The following EXOC6B variants were observed in gnomAD, a reference collection of about 807,000 sequenced individuals.
EXOC6B encodes exocyst complex component 6B.
A neutral mutation model predicts 113.5 loss-of-function variants in EXOC6B; 54 were observed. The observed-to-expected ratio is 0.48, with a 90% CI of 0.38 to 0.60. The LOEUF is 0.60. Among genes scored for constraint, EXOC6B ranks in the 20% least tolerant of loss-of-function variants. The pLI, the probability that EXOC6B is intolerant of heterozygous loss-of-function variation, is 0.00. For synonymous variants in EXOC6B, 357 were observed against 339.0 expected (o/e 1.05, Z -0.58); for missense variants, 797 against 977.5 (o/e 0.82, Z 2.46).
chr2:72,243,389 T>A (rs1682447568), intron 20 of EXOC6B, among the ~76,000 whole-genome samples: 2 of 152,176 alleles, frequency 1.3e-5, no homozygotes, highest in South Asian at 4.1e-4. Context: ...GTGGCACATA[T>A]ACACCATGGA....
At chr2:72,307,167 T>TTTTTTTTTTTTTTTTTTTG (rs1283668941) in intron 20 of EXOC6B, among the ~76,000 whole-genome samples, 17 of 103,348 alleles carry the variant, frequency 1.6e-4, no homozygotes, top group Non-Finnish European at 2.5e-4. Context: ...TCCAGTTTTT[T>TTTTTTTTTTTTTTTTTTTG]TTTTTTTGAG....
At chr2:72,222,908 T>C (rs367845194) in intron 20 of EXOC6B, among the ~76,000 whole-genome samples, 1 of 152,216 alleles carries the variant, frequency 6.6e-6, no homozygotes, top group East Asian at 1.9e-4. Flanking sequence ...GCTAAGGCAC[T>C]GAGGAGGTAC....
intron 8 of EXOC6B, among the ~76,000 whole-genome samples, chr2:72,526,819 T>G (rs1232875516): frequency 6.6e-6 from 1 of 151,988 alleles, no homozygotes; most frequent in Non-Finnish European, 1.5e-5. Context: ...TAAAATTTGC[T>G]TCATCAGCAA....
intron 20 of EXOC6B, among the ~76,000 whole-genome samples, chr2:72,281,397 G>C (rs1385107819): frequency 6.6e-6 from 1 of 152,156 alleles, no homozygotes; most frequent in Non-Finnish European, 1.5e-5. Flanking sequence ...CTACAGGTGA[G>C]TGAAATCAGA....
intron 6 of EXOC6B, among the ~76,000 whole-genome samples, chr2:72,604,870 T>C (rs1047150892): frequency 9.2e-5 from 14 of 152,158 alleles, no homozygotes; most frequent in African/African-American, 3.4e-4. Flanking sequence ...TTAAACAACA[T>C]TTAAAGTAGT....
intron 8 of EXOC6B, among the ~76,000 whole-genome samples, chr2:72,534,191 G>A (rs190949832): frequency 1.3e-5 from 2 of 152,062 alleles, no homozygotes; most frequent in East Asian, 3.9e-4. Context: ...TAACTATGTA[G>A]GGTCAAACCA....
intron 18 of EXOC6B, among the ~76,000 whole-genome samples, chr2:72,404,416 G>C (rs1439018171): frequency 6.6e-6 from 1 of 152,176 alleles, no homozygotes; most frequent in Non-Finnish European, 1.5e-5. Context: ...GCCTCTTCAG[G>C]TGGGTCCCTG....
chr2:72,595,500 G>GA (rs1458925876), intron 6 of EXOC6B, among the ~76,000 whole-genome samples: 6 of 151,444 alleles, frequency 4.0e-5, no homozygotes, highest in Non-Finnish European at 5.9e-5. Context: ...GAATACTACA[G>GA]AAAAAGTTAT....
intron 6 of EXOC6B, among the ~76,000 whole-genome samples, chr2:72,675,053 G>A (rs1165525997): frequency 2.0e-5 from 3 of 152,134 alleles, no homozygotes; most frequent in African/African-American, 7.2e-5. Flanking sequence ...GGGTTGACGT[G>A]TTCTTTACAT....
intron 6 of EXOC6B, among the ~76,000 whole-genome samples, chr2:72,588,663 GA>G (rs1007123333): frequency 4.6e-5 from 7 of 151,420 alleles, no homozygotes; most frequent in South Asian, 2.1e-4. Context: ...GACCACACTG[GA>G]AAAAAAATCA....
intron 7 of EXOC6B, among the ~76,000 whole-genome samples, chr2:72,573,835 G>A (rs1558808574): frequency 6.6e-6 from 1 of 152,122 alleles, no homozygotes; most frequent in Non-Finnish European, 1.5e-5. Flanking sequence ...GTAGTTTACG[G>A]CTGGGTGCGG....
chr2:72,770,233 A>C (rs2104942618), intron 1 of EXOC6B, among the ~76,000 whole-genome samples: 1 of 152,362 alleles, frequency 6.6e-6, no homozygotes, highest in South Asian at 2.1e-4. Context: ...ATGATACATA[A>C]AAATAGTACA....
intron 18 of EXOC6B, among the ~76,000 whole-genome samples, chr2:72,401,273 C>A (rs1464478270): frequency 6.7e-6 from 1 of 149,936 alleles, no homozygotes; most frequent in Non-Finnish European, 1.5e-5. Flanking sequence ...ACCAGCCTGG[C>A]CAGTGTGGTG....
intron 8 of EXOC6B, among the ~76,000 whole-genome samples, chr2:72,555,891 C>T (rs1703514553): frequency 6.6e-6 from 1 of 152,188 alleles, no homozygotes; most frequent in African/African-American, 2.4e-5. Flanking sequence ...AGCAATCCAC[C>T]TGTCTCAGCC....
At chr2:72,218,455 T>C (rs1271959487) in intron 20 of EXOC6B, among the ~76,000 whole-genome samples, 2 of 152,222 alleles carry the variant, frequency 1.3e-5, no homozygotes, top group Non-Finnish European at 2.9e-5. Flanking sequence ...CATATGTATA[T>C]GTATGTATTT....
At chr2:72,673,770 TA>T (rs1676085661) in intron 6 of EXOC6B, among the ~76,000 whole-genome samples, 3 of 149,778 alleles carry the variant, frequency 2.0e-5, no homozygotes, top group African/African-American at 7.3e-5. Flanking sequence ...TTTTTTATTT[TA>T]TTTTTTTATT....
At chr2:72,595,567 A>G (rs1247072874) in intron 6 of EXOC6B, among the ~76,000 whole-genome samples, 1 of 151,856 alleles carries the variant, frequency 6.6e-6, no homozygotes, top group Non-Finnish European at 1.5e-5. Flanking sequence ...ATATTCTTTT[A>G]AAGAGTGATG....
In EXOC6B at chr2:72,498,254, C is replaced by A. The variant is rs1418727198; in HGVS notation, c.1337+200G>T. Reference sequence around the variant, plus strand: ...TCCCACTACAGTAGACACTAATACACTGAGACTGGATATCTTGGGAACTTA... The same window carrying A: ...TCCCACTACAGTAGACACTAATACAATGAGACTGGATATCTTGGGAACTTA... On this transcript the variant is annotated intron_variant, in intron 13 of 21. Transcript: ENST00000272427. Among the ~76,000 whole-genome samples, 4 of 152,172 alleles carry A rather than the reference C, an allele frequency of 2.6e-5. No homozygotes were observed. The East Asian group carries it at 7.7e-4, about 29-fold the overall frequency.
intron 6 of EXOC6B, among the ~76,000 whole-genome samples, chr2:72,586,953 C>T (rs1705627349): frequency 6.6e-6 from 1 of 152,128 alleles, no homozygotes; most frequent in Non-Finnish European, 1.5e-5. Context: ...AATGCTTATA[C>T]ATTGTTGGTG....
Sources: allele counts gnomAD v4.1 joint callset (sites outside exome capture counted in the v4.1 genomes callset), GRCh38; gene constraint gnomAD v4.1.1; transcripts MANE v1.5; gene names NCBI Gene and HGNC (gene_info 2026-07-23, HGNC 2026-07-21).